Variants in HOMER2 observed in about 807,000 individuals in gnomAD.
HOMER2 encodes the protein homer scaffold protein 2, also known as homer protein homolog 2.
Under a neutral mutation model 47.0 loss-of-function variants are expected in HOMER2, and 27 were observed. That is an observed-to-expected ratio of 0.57 (90% CI 0.42 to 0.79). The LOEUF is 0.79. HOMER2 is among the 30% of genes least tolerant of loss of function. The pLI is 0.00. For synonymous variants in HOMER2, 161 were observed against 163.8 expected, an observed-to-expected ratio of 0.98 and a Z score of 0.13; for missense variants, 443 against 435.0, an observed-to-expected ratio of 1.02 and a Z score of -0.16.
chr15:82,955,699 C>T (rs2054581334), upstream of HOMER2, among the ~76,000 whole-genome samples: 1 of 152,040 alleles, frequency 6.6e-6, no homozygotes, highest in South Asian at 2.1e-4. Context: ...TTTGTGAAGC[C>T]TATATAGTAA....
At chr15:82,978,052 AG>A (rs1182955548) in intron 1 of HOMER2, among the ~76,000 whole-genome samples, 1 of 152,192 alleles carries the variant, frequency 6.6e-6, no homozygotes, top group African/African-American at 2.4e-5. Flanking sequence ...CTGGAGGCTG[AG>A]GCAGGAAAAT....
downstream of HOMER2, among the ~76,000 whole-genome samples, chr15:82,848,348 G>T (rs149192856): frequency 7.9e-4 from 121 of 152,260 alleles, no homozygotes; most frequent in African/African-American, 2.8e-3. Context: ...GGGTGAGGGG[G>T]CACCAAAGCC....
chr15:82,952,303 C>A (rs2054523163), intron 1 of HOMER2, among the ~76,000 whole-genome samples: 1 of 152,200 alleles, frequency 6.6e-6, no homozygotes, highest in Non-Finnish European at 1.5e-5. Context: ...AGGGGAAGGG[C>A]CACGGGCTCC....
intron 4 of HOMER2, among the ~76,000 whole-genome samples, chr15:82,862,612 CCTCA>C (rs1362306683): frequency 6.6e-6 from 1 of 152,058 alleles, no homozygotes; most frequent in African/African-American, 2.4e-5. Context: ...TTTCATAGGT[CCTCA>C]GAGATTAATC....
At chr15:82,890,303 C>A (rs1187306603) in intron 2 of HOMER2, among the ~76,000 whole-genome samples, 1 of 152,174 alleles carries the variant, frequency 6.6e-6, no homozygotes, top group Non-Finnish European at 1.5e-5. Context: ...GATCGTGCCA[C>A]TGCACTCCAG....
At chr15:82,983,690 G>A (rs1449831612) in intron 1 of HOMER2, among the ~76,000 whole-genome samples, 1 of 151,762 alleles carries the variant, frequency 6.6e-6, no homozygotes, top group Non-Finnish European at 1.5e-5. Context: ...CCAAGTTCAA[G>A]CAATCCTCCC....
chr15:82,848,694 C>T (rs1443917892), downstream of HOMER2, among the ~76,000 whole-genome samples: 1 of 152,210 alleles, frequency 6.6e-6, no homozygotes, highest in Non-Finnish European at 1.5e-5. Context: ...CTGGGCAGCC[C>T]CTATACCTGG....
At chr15:82,914,216 C>T (rs1319317548) in intron 1 of HOMER2, among the ~76,000 whole-genome samples, 2 of 145,654 alleles carry the variant, frequency 1.4e-5, no homozygotes, top group Non-Finnish European at 3.0e-5. Flanking sequence ...CACACACACA[C>T]ACACACACAC....
intron 4 of HOMER2, among the ~76,000 whole-genome samples, chr15:82,863,367 A>C (rs1488434811): frequency 6.6e-6 from 1 of 152,196 alleles, no homozygotes; most frequent in Non-Finnish European, 1.5e-5. Context: ...CTCAAGAATA[A>C]TTAAACAAGT....
intron 1 of HOMER2, among the ~76,000 whole-genome samples, chr15:82,970,147 G>C (rs2029932940): frequency 6.6e-6 from 1 of 152,248 alleles, no homozygotes; most frequent in Non-Finnish European, 1.5e-5. Flanking sequence ...CACATGCAGA[G>C]TATGCAGAAT....
intron 1 of HOMER2, among the ~76,000 whole-genome samples, chr15:82,907,816 T>C (rs888225033): frequency 6.6e-5 from 10 of 152,094 alleles, no homozygotes; most frequent in African/African-American, 2.2e-4. Flanking sequence ...AGAAATCAAT[T>C]AATAGGAGTG....
intron 2 of HOMER2, among the ~76,000 whole-genome samples, chr15:82,877,179 G>C (rs745580400): frequency 3.3e-5 from 5 of 151,974 alleles, no homozygotes; most frequent in Admixed American, 1.3e-4. Context: ...TTGTTTGTTT[G>C]ATTTTTTTGA....
At chr15:82,936,042 G>A (rs1193347588) in intron 1 of HOMER2, among the ~76,000 whole-genome samples, 2 of 152,116 alleles carry the variant, frequency 1.3e-5, no homozygotes, top group African/African-American at 2.4e-5. Flanking sequence ...CCTCGCATAC[G>A]TCTTTCTCCA....
chr15:82,893,542 G>A (rs1463306750), intron 1 of HOMER2, among the ~76,000 whole-genome samples: 6 of 151,264 alleles, frequency 4.0e-5, no homozygotes, highest in South Asian at 4.2e-4. Flanking sequence ...TATGTTGGCC[G>A]GGCTGGTCTC....
rs74030851 is a variant in HOMER2, at chr15:82,944,688, G to A, written c.5+7843C>T. Reference sequence around the variant, plus strand: ...ATCAAAGAGAAGTTCTTTATCCAAAGGTTTTAGATGTTTGTGCAGGCTGTG... The same window carrying A: ...ATCAAAGAGAAGTTCTTTATCCAAAAGTTTTAGATGTTTGTGCAGGCTGTG... On this transcript the variant is annotated intron_variant, in intron 1 of 8. Transcript: ENST00000450735. 2.2e-3 allele frequency among the ~76,000 whole-genome samples: 333 copies of A among 152,062 alleles called. 2 individuals are homozygous for A. The highest frequency in any genetic ancestry group is 7.3e-3 in the African/African-American group (302 of 41,492).
intron 1 of HOMER2, among the ~76,000 whole-genome samples, chr15:82,897,430 A>T (rs1458159869): frequency 6.6e-6 from 1 of 152,028 alleles, no homozygotes; most frequent in African/African-American, 2.4e-5. Context: ...CTCTCTTCCT[A>T]TAATAATAGC....
chr15:82,977,086 G>A (rs1323088438), intron 1 of HOMER2, among the ~76,000 whole-genome samples: 1 of 151,898 alleles, frequency 6.6e-6, no homozygotes, highest in Admixed American at 6.6e-5. Flanking sequence ...CTTTAGATTA[G>A]GATTATACCT....
intron 2 of HOMER2, among the ~76,000 whole-genome samples, chr15:82,880,946 A>G (rs538093093): frequency 6.6e-6 from 1 of 152,270 alleles, no homozygotes; most frequent in Non-Finnish European, 1.5e-5. Flanking sequence ...GTGAAGGATG[A>G]GGGCACAGCT....
intron 1 of HOMER2, among the ~76,000 whole-genome samples, chr15:82,928,354 G>A (rs1441274077): frequency 1.3e-5 from 2 of 152,172 alleles, no homozygotes; most frequent in Admixed American, 6.5e-5. Context: ...TTTCCGCCAT[G>A]CAAATATTTA....
Sources: gnomAD v4.1 joint callset for allele counts (sites outside exome capture counted in the v4.1 genomes callset) on GRCh38, gnomAD v4.1.1 for gene constraint, MANE v1.5 for transcripts, NCBI Gene and HGNC (gene_info 2026-07-23, HGNC 2026-07-21) for gene names.